Variants in MTMR2 observed in about 807,000 individuals in gnomAD.
MTMR2 encodes phosphatidylinositol-3,5-bisphosphate 3-phosphatase MTMR2.
Under a neutral mutation model 86.9 loss-of-function variants are expected in MTMR2, and 55 were observed. The observed-to-expected ratio is 0.63, with a 90% CI of 0.51 to 0.79. The LOEUF (loss-of-function observed/expected upper bound fraction) is 0.79. MTMR2 is among the 30% of genes least tolerant of loss of function. The pLI is 0.00. For missense variants in MTMR2, 659 were observed against 772.3 expected (o/e 0.85, Z 1.74); for synonymous variants, 241 against 266.8 (o/e 0.90, Z 0.94).
rs771532887 is a variant in MTMR2, at chr11:95,865,590, C to T, written c.262+11G>A. On this transcript the variant is annotated intron_variant, in intron 3 of 14. Coordinates refer to ENST00000346299, the MANE Select transcript of MTMR2 (RefSeq NM_016156.6). ...GGAGAAGGACATTAAGCAAAAAATA[C>T]CATTACGGACCCATGTCTTTAATAT... is the stretch of plus-strand genomic sequence containing the variant. The T allele has an allele frequency of 3.8e-5, 60 of 1,589,110 alleles. 2 individuals carry two copies. The South Asian group carries it at 5.6e-4, about 15-fold the overall frequency.
intron 1 of MTMR2, among the ~76,000 whole-genome samples, chr11:95,892,602 A>G (rs975699846): frequency 2.6e-5 from 4 of 152,172 alleles, no homozygotes; most frequent in Non-Finnish European, 5.9e-5. Context: ...AGGCCTATAT[A>G]CTTCATCTCA....
chr11:95,845,044 A>G lies in MTMR2; in HGVS notation c.1295T>C (p.Met432Thr), dbSNP rs1863720458. Residue 432 changes from methionine to threonine, a missense_variant, in exon 11 of 15, where the codon ATG becomes ACG. This residue lies in a region of MTMR2 where 387 missense variants were observed against 526.3 expected (regional missense o/e 0.74). Transcript: ENST00000346299. ...TCGATAGTATCCATCCAACATGAGC[A>G]TGGCAAGGGAAGTGAGCTGAGCTGT... is the stretch of plus-strand genomic sequence containing the variant. Reference protein sequence around the residue: ...DRTAQLTSLAMLMLDGYYRTI... With the variant: ...DRTAQLTSLATLMLDGYYRTI... 1 of 1,613,992 alleles carries G rather than the reference A, an allele frequency of 6.2e-7. No homozygotes were observed. Among genetic ancestry groups the G allele is most frequent in the Non-Finnish European group, 8.5e-7 (1 of 1,179,906 alleles).
intron 1 of MTMR2, among the ~76,000 whole-genome samples, chr11:95,921,348 A>T (rs1290457468): frequency 6.6e-6 from 1 of 152,260 alleles, no homozygotes; most frequent in African/African-American, 2.4e-5. Context: ...AACAGAAAGC[A>T]TAAAAATAAA....
intron 1 of MTMR2, among the ~76,000 whole-genome samples, chr11:95,889,553 T>C (rs1865639773): frequency 6.7e-6 from 1 of 150,210 alleles, no homozygotes; most frequent in South Asian, 2.1e-4. Context: ...GAGGTCTCAC[T>C]ATGTTATCCA....
Position 95,849,996 on chromosome 11 carries a change from A to T in MTMR2, c.805-134T>A, listed in dbSNP as rs1863956094. 3.6e-6 allele frequency: 3 copies of T among 835,176 alleles called. No homozygotes were observed. In the African/African-American group the frequency reaches 5.1e-5, roughly 14 times the overall value. The allele number at this position is 835,176 out of a possible 1,614,324, so 51.7% of individuals were successfully genotyped here. ...CATGAAAGGACATCTGAGGCTGCTA[A>T]GAAAAATCATCACCTTTCCTTCAAG... On this transcript the variant is annotated intron_variant, in intron 8 of 14. Coordinates refer to ENST00000346299, the MANE Select transcript of MTMR2 (RefSeq NM_016156.6).
Position 95,835,200 on chromosome 11 carries a change from A to ATTTC in MTMR2, c.*89_*90insGAAA. 7.6e-7 allele frequency: 1 copy of ATTTC among 1,313,420 alleles called. No individual in the cohort carries two copies. Among genetic ancestry groups the ATTTC allele is most frequent in the Non-Finnish European group, 1.1e-6 (1 of 918,184 alleles). The allele number at this position is 1,313,420 out of a possible 1,614,324, so 81.4% of individuals were successfully genotyped here. ...AAAGTGACTGAACTTTCTCTCATAG[A>ATTTC]TGGGTTCTAAATTCCGAAGACTTTC... On this transcript the variant is annotated 3_prime_UTR_variant, in exon 15 of 15. Transcript: ENST00000346299.
Position 95,844,952 on chromosome 11 carries a change from C to A in MTMR2, c.1386+1G>T. 6.3e-7 allele frequency: 1 copy of A among 1,587,240 alleles called. No homozygotes were observed. The highest frequency in any genetic ancestry group is 8.6e-7 in the Non-Finnish European group (1 of 1,158,442). Reference sequence around the variant, plus strand: ...ATCCAAAGTCAAGGTTCCTTACTTACTAGTTGAAATCGATGTCCAAAACTT... The same window carrying A: ...ATCCAAAGTCAAGGTTCCTTACTTAATAGTTGAAATCGATGTCCAAAACTT... On this transcript the variant is annotated splice_donor_variant, in intron 11 of 14. Transcript: ENST00000346299. LOFTEE classifies it high-confidence loss of function.
At chr11:95,862,179 C>CAGAAATGCTTTAATT in intron 4 of MTMR2, 77 bp from the exon 5 acceptor site, 1 of 1,527,590 alleles carries the variant, frequency 6.5e-7, no homozygotes, top group Non-Finnish European at 9.0e-7. Flanking sequence ...AAATCTTAAT[C>CAGAAATGCTTTAATT]AGAAATGCTT....
chr11:95,833,394 A>AAAG lies in MTMR2; in HGVS notation c.*1893_*1895dup, dbSNP rs1863110889. 6.6e-6 allele frequency: 1 copy of AAAG among 152,092 alleles called. No homozygotes were observed. 9.4% of individuals were successfully genotyped at this position (152,092 alleles called of 1,614,324 possible). ...ATGTAACTGTCAATTCAAATATTTA[A>AAAG]AAGTTTTGCTTGTGTAAATATATAA... On this transcript the variant is annotated 3_prime_UTR_variant, in exon 15 of 15. Transcript: ENST00000346299.
chr11:95,849,953 T>C (rs1863954088), intron 8 of MTMR2, 91 bp from the exon 9 acceptor site: 1 of 1,241,600 alleles, frequency 8.1e-7, no homozygotes, highest in Non-Finnish European at 1.2e-6. Flanking sequence ...TGCTTTCTAA[T>C]TGGATCCAAA....
At chr11:95,837,180 A>T (rs1264265133) in intron 13 of MTMR2, among the ~76,000 whole-genome samples, 1 of 152,022 alleles carries the variant, frequency 6.6e-6, no homozygotes, top group Non-Finnish European at 1.5e-5. Context: ...TGAATTTAAA[A>T]ATTTAATACC....
At chr11:95,845,197 A>C (rs1378810720) in intron 10 of MTMR2, 38 bp from the exon 11 acceptor site, 3 of 1,528,054 alleles carry the variant, frequency 2.0e-6, no homozygotes, top group Admixed American at 3.4e-5. Flanking sequence ...TTTTTAAACA[A>C]GGTAAATACT....
intron 1 of MTMR2, among the ~76,000 whole-genome samples, chr11:95,905,730 C>G (rs1165588945): frequency 6.6e-6 from 1 of 152,068 alleles, no homozygotes; most frequent in African/African-American, 2.4e-5. Context: ...TCTTTCTAAA[C>G]TAAAATCAGA....
At chr11:95,848,851 C>A (rs948446191) in intron 9 of MTMR2, among the ~76,000 whole-genome samples, 3 of 152,078 alleles carry the variant, frequency 2.0e-5, no homozygotes, top group Non-Finnish European at 4.4e-5. Context: ...TCAAGGGATA[C>A]CTGTTAAAGA....
chr11:95,857,533 AAG>A lies in MTMR2; in HGVS notation c.654+17_654+18del, dbSNP rs1478619515. The A allele has an allele frequency of 1.3e-6, 2 of 1,568,652 alleles. No homozygotes were observed. Among genetic ancestry groups the A allele is most frequent in the Admixed American group, 3.3e-5 (2 of 59,876 alleles). On this transcript the variant is annotated intron_variant, in intron 7 of 14. Transcript: ENST00000346299. ...AAAGAATACAAAATACTAAAATTGA[AAG>A]AGAAGAAAGTACATACCTGCCTTCT...
intron 1 of MTMR2, among the ~76,000 whole-genome samples, chr11:95,900,908 G>A (rs1348050222): frequency 1.3e-5 from 2 of 152,044 alleles, no homozygotes; most frequent in African/African-American, 4.8e-5. Context: ...ACAAAACCAG[G>A]GGCCTTGTTT....
At chr11:95,877,078 T>C (rs1367116483) in intron 2 of MTMR2, among the ~76,000 whole-genome samples, 1 of 152,226 alleles carries the variant, frequency 6.6e-6, no homozygotes, top group African/African-American at 2.4e-5. Context: ...TTACATACTG[T>C]ACTAAAACCC....
Position 95,835,005 on chromosome 11 carries a change from T to C in MTMR2, c.*285A>G. The C allele has an allele frequency of 2.5e-6, 1 of 401,132 alleles. No individual in the cohort carries two copies. The highest frequency in any genetic ancestry group is 5.2e-5 in the East Asian group (1 of 19,278). The allele number at this position is 401,132 out of a possible 1,614,324, so 24.8% of individuals were successfully genotyped here. A position where few individuals can be genotyped will look rare whatever the true frequency, so the allele number is the denominator to read the frequency against. On this transcript the variant is annotated 3_prime_UTR_variant, in exon 15 of 15. Transcript: ENST00000346299. ...CCAAAAATTTGTAACAGCATTTGCC[T>C]TTTAATAGAAACTTGTTCCCACTGT...
intron 1 of MTMR2, among the ~76,000 whole-genome samples, chr11:95,919,730 G>A (rs1049685476): frequency 7.2e-5 from 11 of 152,152 alleles, no homozygotes; most frequent in Non-Finnish European, 1.6e-4. Flanking sequence ...AATTGCAAGT[G>A]TTCAGGCCAA....
Sources: gnomAD v4.1 joint callset for allele counts (sites outside exome capture counted in the v4.1 genomes callset) on GRCh38, gnomAD v4.1.1 for gene constraint, gnomAD v4.1.1 regional missense constraint, MANE v1.5 for transcripts, NCBI Gene and HGNC (gene_info 2026-07-23, HGNC 2026-07-21) for gene names.